Variants in PUDP observed in about 807,000 individuals in gnomAD.
PUDP encodes the protein pseudouridine 5'-phosphatase, also known as pseudouridine-5'-phosphatase.
Under a neutral mutation model 9.4 loss-of-function variants are expected in PUDP, and 8 were observed. The observed-to-expected ratio is 0.85, with a 90% CI of 0.50 to 1.53. The LOEUF (loss-of-function observed/expected upper bound fraction) is 1.53, where lower values mean the gene tolerates loss of function less well. Ranked by LOEUF, PUDP falls within the 40% of genes most tolerant of loss-of-function variation. The pLI is 0.00. For missense variants in PUDP, 188 were observed against 189.7 expected, an observed-to-expected ratio of 0.99 and a Z score of 0.05; for synonymous variants, 99 against 80.7, an observed-to-expected ratio of 1.23 and a Z score of -1.22.
At chrX:6,950,898 G>C (rs1168629619) in intron 3 of PUDP, among the ~76,000 whole-genome samples, 1 of 111,124 alleles carries the variant, frequency 9.0e-6, no homozygotes, top group Non-Finnish European at 1.9e-5. Context: ...CTTTCCTTCA[G>C]TAAGAGAGAA....
chrX:6,979,983 G>T (rs1289982996), intron 1 of PUDP, among the ~76,000 whole-genome samples: 1 of 110,561 alleles, frequency 9.0e-6, no homozygotes, highest in Admixed American at 9.6e-5. Flanking sequence ...TACATGTGCA[G>T]GTTTGTTACT....
chrX:6,972,950 C>T (rs971844566), intron 3 of PUDP, among the ~76,000 whole-genome samples: 5 of 111,637 alleles, frequency 4.5e-5, no homozygotes, highest in Admixed American at 1.9e-4. Flanking sequence ...GTGTATGTGT[C>T]CAGGAATTTA....
At chrX:6,944,790 C>T (rs1928442347) in intron 3 of PUDP, among the ~76,000 whole-genome samples, 2 of 111,224 alleles carry the variant, frequency 1.8e-5, no homozygotes, top group Admixed American at 9.6e-5. Flanking sequence ...GACTGAGCTC[C>T]GACTGCAACT....
intron 3 of PUDP, among the ~76,000 whole-genome samples, chrX:6,801,452 C>T (rs1052384934): frequency 2.7e-5 from 3 of 111,990 alleles, no homozygotes; most frequent in East Asian, 2.8e-4. Flanking sequence ...GAGTAGGGTT[C>T]GGAAAAAATG....
intron 3 of PUDP, among the ~76,000 whole-genome samples, chrX:6,827,396 T>G (rs1046628753): frequency 8.9e-6 from 1 of 111,967 alleles, no homozygotes; most frequent in Admixed American, 9.5e-5. Context: ...CACACAATTT[T>G]GGGAGTTTAA....
Position 7,004,014 on chromosome X carries a change from T to G in PUDP, c.205-25671A>C, listed in dbSNP as rs1380218606. Among the ~76,000 whole-genome samples the G allele has an allele frequency of 2.7e-5, 3 of 110,912 alleles. No homozygotes were observed. In the Admixed American group the frequency reaches 2.9e-4, roughly 11 times the overall value. ...CCTTGCTCTCCTGAGTAGCTGGGAC[T>G]ACAGGCACACACCACCACGCACGCT... On this transcript the variant is annotated intron_variant and NMD_transcript_variant, in intron 1 of 3. Transcript: ENST00000655425.
At chrX:7,043,291 C>T (rs2146831971) in intron 1 of PUDP, among the ~76,000 whole-genome samples, 1 of 111,196 alleles carries the variant, frequency 9.0e-6, no homozygotes, top group Admixed American at 9.5e-5. Context: ...CTTGGTGCTG[C>T]CCTCATGGTA....
intron 2 of PUDP, among the ~76,000 whole-genome samples, chrX:7,086,790 C>T (rs1268596933): frequency 8.9e-6 from 1 of 112,080 alleles, no homozygotes; most frequent in African/African-American, 3.2e-5. Context: ...TCAGGGATCG[C>T]CACTTATGGA....
chrX:6,896,605 G>C (rs935155152), intron 3 of PUDP, among the ~76,000 whole-genome samples: 12 of 111,852 alleles, frequency 1.1e-4, no homozygotes, highest in African/African-American at 3.6e-4. Context: ...GTGGTTAATT[G>C]GTTTGTCCCC....
chrX:6,744,932 G>C (rs1212731281), intron 3 of PUDP, among the ~76,000 whole-genome samples: 1 of 111,829 alleles, frequency 8.9e-6, no homozygotes, highest in African/African-American at 3.3e-5. Flanking sequence ...ATAGTAAAAA[G>C]ACAATATCAT....
chrX:7,099,949 C>T (rs1476603353), intron 2 of PUDP, among the ~76,000 whole-genome samples: 1 of 108,948 alleles, frequency 9.2e-6, no homozygotes, highest in African/African-American at 3.4e-5. Flanking sequence ...TAGGTAGACA[C>T]ACTCCCGCAG....
chrX:6,874,946 A>G (rs1266803722), intron 3 of PUDP, among the ~76,000 whole-genome samples: 1 of 112,609 alleles, frequency 8.9e-6, no homozygotes, highest in Non-Finnish European at 1.9e-5. Context: ...ACCTGAGACA[A>G]TAAGAAATGT....
intron 1 of PUDP, among the ~76,000 whole-genome samples, chrX:7,010,095 C>T (rs753628785): frequency 1.8e-5 from 2 of 111,904 alleles, no homozygotes; most frequent in African/African-American, 3.3e-5. Flanking sequence ...TTCGTCCCAG[C>T]AATCTTTCCT....
intron 3 of PUDP, among the ~76,000 whole-genome samples, chrX:6,751,220 G>C (rs1358204837): frequency 1.8e-5 from 2 of 111,556 alleles, no homozygotes; most frequent in East Asian, 2.8e-4. Flanking sequence ...AATTGCAACT[G>C]TGTCATGATG....
In PUDP at chrX:7,105,633, A is replaced by AGCC; in HGVS notation, c.264_266dup (p.Ala90dup). 8.3e-7 allele frequency: 1 copy of AGCC among 1,206,197 alleles called. No homozygotes were observed. Among genetic ancestry groups the AGCC allele is most frequent in the East Asian group, 3.0e-5 (1 of 33,811 alleles). ...AGGCAACCGCACCTGGCATGAGCGC[A>AGCC]GCCGTGGGGAACACTTCCTTTAACT... On this transcript the variant is annotated inframe_insertion, in exon 2 of 4. Transcript: ENST00000381077.
chrX:6,716,370 G>T (rs763822301), intron 1 of PUDP, among the ~76,000 whole-genome samples: 8 of 111,816 alleles, frequency 7.2e-5, no homozygotes, highest in Non-Finnish European at 1.3e-4. Context: ...AAATATTCAT[G>T]GTAGACAGCA....
intron 3 of PUDP, among the ~76,000 whole-genome samples, chrX:6,952,110 G>T (rs1158153434): frequency 5.4e-5 from 6 of 111,615 alleles, no homozygotes; most frequent in African/African-American, 2.0e-4. Context: ...CTCCAATCCT[G>T]CTATATGGAA....
chrX:7,119,286 A>G (rs1338970803), intron 1 of PUDP, among the ~76,000 whole-genome samples: 1 of 112,497 alleles, frequency 8.9e-6, no homozygotes, highest in Non-Finnish European at 1.9e-5. Flanking sequence ...TGTGAGCACT[A>G]CCGCGCTTTT....
At chrX:6,960,111 G>A (rs955468170) in intron 3 of PUDP, among the ~76,000 whole-genome samples, 5 of 112,136 alleles carry the variant, frequency 4.5e-5, no homozygotes, top group Admixed American at 9.4e-5. Flanking sequence ...TTGACTTGGT[G>A]CTGGAAGGAG....
Sources: gnomAD v4.1 joint callset for allele counts (sites outside exome capture counted in the v4.1 genomes callset) on GRCh38, gnomAD v4.1.1 for gene constraint, MANE v1.5 for transcripts, NCBI Gene and HGNC (gene_info 2026-07-23, HGNC 2026-07-21) for gene names.